CDH11: variants seen among roughly 807,000 people sequenced by gnomAD.
CDH11 encodes the protein cadherin-11.
A neutral mutation model predicts 67.8 loss-of-function variants in CDH11; 11 were observed. The observed-to-expected ratio is 0.16, with a 90% confidence interval of 0.10 to 0.27. CDH11 has a LOEUF of 0.27. CDH11 is among the 10% of genes least tolerant of loss of function. CDH11 has a pLI of 1.00. For missense variants in CDH11, 847 were observed against 1,031.2 expected (o/e 0.82, Z 2.45); for synonymous variants, 419 against 400.0 (o/e 1.05, Z -0.57).
chr16:64,948,352 T>C (rs931886924), intron 12 of CDH11, among the ~76,000 whole-genome samples: 1 of 152,192 alleles, frequency 6.6e-6, no homozygotes, highest in African/African-American at 2.4e-5. Flanking sequence ...TTTGAACTTT[T>C]AACAAATGAA....
At chr16:65,041,788 A>C (rs7499444) in intron 2 of CDH11, among the ~76,000 whole-genome samples, 136,872 of 152,238 alleles carry the variant, frequency 0.9, 61,605 homozygotes, top group East Asian at 1. Flanking sequence ...AGATGCACAG[A>C]CTTTCCTGCT....
chr16:64,997,334 A>AATAAATAAAT (rs2072798467), intron 4 of CDH11, among the ~76,000 whole-genome samples: 1 of 150,480 alleles, frequency 6.6e-6, no homozygotes, highest in African/African-American at 2.4e-5. Context: ...TAAATAAATA[A>AATAAATAAAT]ATAAACAAAC....
intron 1 of CDH11, among the ~76,000 whole-genome samples, chr16:65,060,425 C>T (rs949275239): frequency 1.3e-5 from 2 of 152,006 alleles, no homozygotes; most frequent in Admixed American, 6.6e-5. Flanking sequence ...AATGAAAAGA[C>T]TTTCTCCAGG....
In CDH11 at chr16:65,121,922, C is replaced by G; in HGVS notation, c.-340G>C. 1.4e-6 allele frequency: 1 copy of G among 701,854 alleles called. No individual in the cohort carries two copies. The highest frequency in any genetic ancestry group is 1.7e-5 in the African/African-American group (1 of 57,294). The allele number at this position is 701,854 out of a possible 1,614,324, so 43.5% of individuals were successfully genotyped here. On this transcript the variant is annotated 5_prime_UTR_variant, in exon 1 of 13. Transcript: ENST00000268603. This position sits in a 1 kb window ranked among gnomAD's most constrained non-coding sequence, Gnocchi z 4.1. ...GGACGCAACCTCCGAGCCGCCAGTC[C>G]CTGGCGCAGGGCAAGCGCTGCGGTG...
chr16:65,047,151 G>A (rs1458964415), intron 2 of CDH11, among the ~76,000 whole-genome samples: 2 of 152,112 alleles, frequency 1.3e-5, no homozygotes, highest in African/African-American at 4.8e-5. Context: ...GTTTACAGCT[G>A]GATGTGATCT....
At chr16:65,004,569 G>T (rs1788719200) in intron 3 of CDH11, 73 bp downstream of exon 3, 2 of 1,477,508 alleles carry the variant, frequency 1.4e-6, no homozygotes, top group Non-Finnish European at 9.1e-7. Context: ...TGGGCCTTTT[G>T]CTTCTTTCTG....
intron 11 of CDH11, among the ~76,000 whole-genome samples, chr16:64,958,761 AT>A (rs2071591493): frequency 6.6e-6 from 1 of 152,196 alleles, no homozygotes; most frequent in African/African-American, 2.4e-5. Flanking sequence ...ATCATAGCCT[AT>A]AATTAGACAA....
Position 65,121,981 on chromosome 16 carries a change from A to G in CDH11, c.-399T>C, listed in dbSNP as rs2075340691. 1.4e-6 allele frequency: 1 copy of G among 700,994 alleles called. No homozygotes were observed. Among genetic ancestry groups the G allele is most frequent in the Non-Finnish European group, 2.6e-6 (1 of 384,104 alleles). 43.4% of individuals were successfully genotyped at this position (700,994 alleles called of 1,614,324 possible). On this transcript the variant is annotated 5_prime_UTR_variant, in exon 1 of 13. Transcript: ENST00000268603. This position sits in a 1 kb window ranked among gnomAD's most constrained non-coding sequence, Gnocchi z 4.1. Reference sequence around the variant, plus strand: ...GGCCCCAGTCCCGGTCCCATTCACAAGTCAGCGGCGGCTGCGAGCGGCCCC... The same window carrying G: ...GGCCCCAGTCCCGGTCCCATTCACAGGTCAGCGGCGGCTGCGAGCGGCCCC...
At chr16:65,092,938 CCTTT>C (rs1438059560) in intron 1 of CDH11, among the ~76,000 whole-genome samples, 3 of 147,976 alleles carry the variant, frequency 2.0e-5, no homozygotes, top group African/African-American at 7.7e-5. Context: ...AAGTTTGTCT[CCTTT>C]TTTTTTTTTT....
intron 2 of CDH11, among the ~76,000 whole-genome samples, chr16:65,021,232 T>C (rs925816891): frequency 4.6e-5 from 7 of 152,138 alleles, no homozygotes; most frequent in Non-Finnish European, 1.0e-4. Flanking sequence ...TTCTGATACC[T>C]GCAAAAGTAA....
intron 11 of CDH11, among the ~76,000 whole-genome samples, chr16:64,955,759 A>C (rs2071490915): frequency 6.6e-6 from 1 of 152,146 alleles, no homozygotes; most frequent in South Asian, 2.1e-4. Context: ...AAGAAGGAAA[A>C]AAAATAGCTA....
chr16:65,115,707 C>CAAAAAAAAA (rs750108148), intron 1 of CDH11, among the ~76,000 whole-genome samples: 8 of 60,146 alleles, frequency 1.3e-4, no homozygotes, highest in East Asian at 4.7e-4. Flanking sequence ...AAGGCTACAC[C>CAAAAAAAAA]AAAAAAAAAA....
intron 1 of CDH11, among the ~76,000 whole-genome samples, chr16:65,066,774 G>GA (rs1221635434): frequency 6.6e-6 from 1 of 152,204 alleles, no homozygotes; most frequent in Non-Finnish European, 1.5e-5. Flanking sequence ...CAGTCCCTGT[G>GA]AGGTTATGAA....
At chr16:65,089,249 C>G (rs545690410) in intron 1 of CDH11, among the ~76,000 whole-genome samples, 3 of 152,100 alleles carry the variant, frequency 2.0e-5, no homozygotes, top group Non-Finnish European at 2.9e-5. Flanking sequence ...TTCCTAGTCA[C>G]GAACTACATT....
At chr16:65,003,484 T>A (rs1252116379) in intron 3 of CDH11, among the ~76,000 whole-genome samples, 6 of 152,162 alleles carry the variant, frequency 3.9e-5, no homozygotes, top group Non-Finnish European at 5.9e-5. Context: ...CTTGAACTCC[T>A]GACATCCCGT....
intron 2 of CDH11, among the ~76,000 whole-genome samples, chr16:65,023,576 G>T (rs149866792): frequency 0.012 from 1,855 of 152,284 alleles, 11 homozygotes; most frequent in Non-Finnish European, 0.017. Context: ...CAGAGCAGTG[G>T]CATGGGCTAC....
intron 1 of CDH11, among the ~76,000 whole-genome samples, chr16:65,074,618 T>C (rs762757736): frequency 1.1e-4 from 17 of 152,270 alleles, no homozygotes; most frequent in Non-Finnish European, 1.9e-4. Context: ...TACCCTTGTG[T>C]GTAATTTTCC....
chr16:65,078,460 C>T (rs1455571221), intron 1 of CDH11, among the ~76,000 whole-genome samples: 1 of 152,182 alleles, frequency 6.6e-6, no homozygotes. Context: ...CGTATTATAT[C>T]ATTCCCCCAA....
chr16:65,076,619 G>A (rs963146942), intron 1 of CDH11, among the ~76,000 whole-genome samples: 71 of 151,492 alleles, frequency 4.7e-4, no homozygotes, highest in African/African-American at 1.5e-3. Flanking sequence ...ATGGTGGTTT[G>A]CTGCACCCAT....
Sources: gnomAD v4.1 joint callset for allele counts (sites outside exome capture counted in the v4.1 genomes callset) on GRCh38, gnomAD v4.1.1 for gene constraint, Gnocchi (gnomAD v3.1) non-coding constraint, MANE v1.5 for transcripts, NCBI Gene and HGNC (gene_info 2026-07-23, HGNC 2026-07-21) for gene names.